Variants in EXT2 observed in about 807,000 individuals in gnomAD.
The protein encoded by EXT2 is exostosin glycosyltransferase 2.
A neutral mutation model predicts 81.6 loss-of-function variants in EXT2; 53 were observed. The observed-to-expected ratio is 0.65, with a 90% confidence interval of 0.52 to 0.82. The LOEUF (loss-of-function observed/expected upper bound fraction) is 0.82, where lower values mean the gene tolerates loss of function less well. EXT2 is among the 40% of genes least tolerant of loss of function. The pLI, the probability that EXT2 is intolerant of heterozygous loss-of-function variation, is 0.00. For synonymous variants in EXT2, 320 were observed against 340.0 expected (o/e 0.94, Z 0.65); for missense variants, 774 against 910.2 (o/e 0.85, Z 1.93).
At chr11:44,109,317 G>A (rs989833643) in intron 3 of EXT2, 34 bp downstream of exon 3, 1 of 1,530,646 alleles carries the variant, frequency 6.5e-7, no homozygotes, top group African/African-American at 1.4e-5. Flanking sequence ...CCTTATGATG[G>A]GTTCAAGATC....
rs1159982804 is a variant in EXT2, at chr11:44,121,098, A to T, written c.744-3691A>T. ...CTTGTTCACATCTACACTTGTTCAC[A>T]TTGGGTGGGGAAGAAGGCGCACGTG... On this transcript the variant is annotated intron_variant, in intron 4 of 13. Coordinates refer to ENST00000533608, the MANE Select transcript of EXT2 (RefSeq NM_207122.2). Among the ~76,000 whole-genome samples the T allele has an allele frequency of 3.9e-5, 6 of 152,296 alleles. 1 individual carries two copies. The South Asian group carries it at 1.2e-3, about 32-fold the overall frequency.
chr11:44,109,519 C>G (rs1219451703), intron 3 of EXT2, among the ~76,000 whole-genome samples: 1 of 152,188 alleles, frequency 6.6e-6, no homozygotes, highest in African/African-American at 2.4e-5. Flanking sequence ...CTGGATTGTG[C>G]ACTTCTGAGT....
At chr11:44,148,710 G>A (rs1175924947) in intron 7 of EXT2, among the ~76,000 whole-genome samples, 3 of 152,140 alleles carry the variant, frequency 2.0e-5, no homozygotes, top group Admixed American at 6.5e-5. Flanking sequence ...GCTTTGTTCG[G>A]GTATAGTTCT....
chr11:44,213,332 A>G (rs1157553631), intron 10 of EXT2, among the ~76,000 whole-genome samples: 1 of 152,200 alleles, frequency 6.6e-6, no homozygotes, highest in South Asian at 2.1e-4. Context: ...GAATGTTCCA[A>G]AATTACTCAT....
chr11:44,119,253 T>G (rs1954282560), intron 4 of EXT2, among the ~76,000 whole-genome samples: 1 of 149,600 alleles, frequency 6.7e-6, no homozygotes, highest in Non-Finnish European at 1.5e-5. Flanking sequence ...CCACTTCCAG[T>G]TACTATGATT....
chr11:44,110,966 TG>T (rs1954134157), intron 3 of EXT2, among the ~76,000 whole-genome samples: 2 of 152,216 alleles, frequency 1.3e-5, no homozygotes, highest in African/African-American at 4.8e-5. Context: ...TAGATTTGTT[TG>T]TTAATTTTTC....
intron 11 of EXT2, among the ~76,000 whole-genome samples, chr11:44,233,218 G>C (rs1955920034): frequency 1.3e-5 from 2 of 152,224 alleles, no homozygotes; most frequent in Admixed American, 6.5e-5. Flanking sequence ...GTGTGTGTCT[G>C]TTGGTTTCAG....
At position 44,220,974 on chromosome 11, in the gene EXT2, A is replaced by T. The variant is rs1049661215; in HGVS notation, c.1663-11379A>T. 2.0e-5 allele frequency among the ~76,000 whole-genome samples: 3 copies of T among 152,252 alleles called. No individual in the cohort carries two copies. The highest frequency in any genetic ancestry group is 7.2e-5 in the African/African-American group (3 of 41,464). ...ATTGAAATAACATCTGATCATTGAA[A>T]AAAAGCACCTAGTTGGGAATTACAA... On this transcript the variant is annotated intron_variant, in intron 10 of 13. Coordinates refer to ENST00000533608, the MANE Select transcript of EXT2 (RefSeq NM_207122.2). The surrounding 1 kb of genome is among the most constrained non-coding windows in gnomAD (Gnocchi z 4.4).
chr11:44,171,537 T>C, intron 7 of EXT2, 74 bp from the exon 8 acceptor site: 3 of 1,609,488 alleles, frequency 1.9e-6, no homozygotes, highest in Non-Finnish European at 1.7e-6. Context: ...AACCTGGAGT[T>C]GACTATGATA....
At chr11:44,144,112 C>G in intron 7 of EXT2, 1 of 741,316 alleles carries the variant, frequency 1.3e-6, no homozygotes, top group Non-Finnish European at 2.3e-6. Context: ...CTTTCTTTCT[C>G]CTGGTTTTAG....
chr11:44,108,082 A>C lies in EXT2; in HGVS notation c.370A>C (p.Asn124His). The C allele has an allele frequency of 6.2e-7, 1 of 1,614,208 alleles. No homozygotes were observed. The highest frequency in any genetic ancestry group is 1.1e-5 in the South Asian group (1 of 91,082). The change falls in exon 2 of 14, where the codon AAC (asparagine) becomes CAC (histidine). Residue 124 changes from asparagine to histidine, a missense_variant. Physicochemically the swap from Asn to His is moderately conservative, Grantham distance 68. Coordinates refer to ENST00000533608, the MANE Select transcript of EXT2 (RefSeq NM_207122.2). ...YVDDFGVSVS[N>H]TISREYNELL... ...GGATGACTTTGGCGTCTCTGTCAGC[A>C]ACACCATCTCCCGGGAGTATAATGA...
chr11:44,163,004 T>G (rs1954947547), intron 7 of EXT2, among the ~76,000 whole-genome samples: 1 of 152,212 alleles, frequency 6.6e-6, no homozygotes. Context: ...TGCTTCAAAA[T>G]CCCTTTTTAT....
At chr11:44,227,563 C>T (rs961527187) in intron 10 of EXT2, among the ~76,000 whole-genome samples, 4 of 152,202 alleles carry the variant, frequency 2.6e-5, no homozygotes, top group Non-Finnish European at 4.4e-5. Flanking sequence ...TGCCTCTGGT[C>T]CACTTTCTAT....
chr11:44,113,922 T>A (rs1307540870), intron 3 of EXT2, among the ~76,000 whole-genome samples: 1 of 152,058 alleles, frequency 6.6e-6, no homozygotes, highest in Admixed American at 6.6e-5. Context: ...CCGTAAGGTG[T>A]CCTCTGGACT....
At chr11:44,155,216 T>C (rs923126637) in intron 7 of EXT2, among the ~76,000 whole-genome samples, 1 of 152,146 alleles carries the variant, frequency 6.6e-6, no homozygotes. Flanking sequence ...TTTCTTTGAA[T>C]AGTTTCATGG....
At chr11:44,178,320 A>G (rs1475940164) in intron 8 of EXT2, among the ~76,000 whole-genome samples, 1 of 152,174 alleles carries the variant, frequency 6.6e-6, no homozygotes, top group Non-Finnish European at 1.5e-5. Context: ...TCCAGGGACC[A>G]TATTTTGATG....
At chr11:44,148,213 C>T (rs534000521) in intron 7 of EXT2, among the ~76,000 whole-genome samples, 2 of 152,254 alleles carry the variant, frequency 1.3e-5, no homozygotes, top group South Asian at 4.2e-4. Flanking sequence ...TACTATGTTA[C>T]CTAGACAACT....
intron 6 of EXT2, 95 bp downstream of exon 6, chr11:44,127,050 A>G: frequency 2.1e-6 from 3 of 1,457,440 alleles, no homozygotes; most frequent in Non-Finnish European, 1.9e-6. Context: ...CCCTGGTTCA[A>G]GAACTACTAC....
intron 13 of EXT2, among the ~76,000 whole-genome samples, chr11:44,239,338 G>A (rs1956007098): frequency 2.0e-5 from 3 of 151,714 alleles, no homozygotes; most frequent in Admixed American, 6.6e-5. Flanking sequence ...TTAATCAGGG[G>A]TGAAGTTGGA....
Sources: gnomAD v4.1 joint callset for allele counts (sites outside exome capture counted in the v4.1 genomes callset) on GRCh38, gnomAD v4.1.1 for gene constraint, Gnocchi (gnomAD v3.1) non-coding constraint, MANE v1.5 for transcripts, NCBI Gene and HGNC (gene_info 2026-07-23, HGNC 2026-07-21) for gene names.